Variants in CEP55 observed in about 807,000 individuals in gnomAD.
The protein encoded by CEP55 is centrosomal protein 55, also known as centrosomal protein of 55 kDa.
Under a neutral mutation model 63.2 loss-of-function variants are expected in CEP55, and 57 were observed. That is an observed-to-expected ratio of 0.90 (90% CI 0.73 to 1.13). The LOEUF is 1.13. CEP55 is among the 50% of genes most tolerant of loss of function. The probability of loss-of-function intolerance (pLI) is 0.00; values close to 1 mark genes in which losing one functional copy is unlikely to be tolerated. For synonymous variants in CEP55, 178 were observed against 191.6 expected (o/e 0.93, Z 0.59); for missense variants, 456 against 518.9 (o/e 0.88, Z 1.18).
At chr10:93,498,905 C>T (rs1468881977) in intron 1 of CEP55, among the ~76,000 whole-genome samples, 1 of 151,852 alleles carries the variant, frequency 6.6e-6, no homozygotes, top group Non-Finnish European at 1.5e-5. Flanking sequence ...CTAATGGGCT[C>T]ATACTCCTTT....
chr10:93,519,997 T>C, intron 8 of CEP55, 190 bp downstream of exon 8: 1 of 636,962 alleles, frequency 1.6e-6, no homozygotes, highest in Non-Finnish European at 2.7e-6. Context: ...AGGGACATGA[T>C]CACATCTGGA....
intron 2 of CEP55, among the ~76,000 whole-genome samples, chr10:93,501,072 T>TA (rs915055480): frequency 2.0e-5 from 3 of 152,216 alleles, no homozygotes; most frequent in African/African-American, 7.2e-5. Flanking sequence ...TTACTAAATG[T>TA]AAAAAATCAG....
intron 4 of CEP55, among the ~76,000 whole-genome samples, chr10:93,513,501 C>T (rs2057772195): frequency 6.6e-6 from 1 of 152,224 alleles, no homozygotes. Flanking sequence ...AACCTTTAAG[C>T]TCCTTATGTC....
chr10:93,524,004 A>C (rs1401887128), intron 8 of CEP55, among the ~76,000 whole-genome samples: 1 of 152,184 alleles, frequency 6.6e-6, no homozygotes, highest in Non-Finnish European at 1.5e-5. Context: ...TCTAAAACTG[A>C]CACCCTAACG....
chr10:93,520,828 GAA>G (rs1349814991), intron 8 of CEP55, among the ~76,000 whole-genome samples: 1 of 152,088 alleles, frequency 6.6e-6, no homozygotes, highest in Non-Finnish European at 1.5e-5. Flanking sequence ...ATAAAAGAAA[GAA>G]AATATATTTT....
intron 3 of CEP55, 73 bp downstream of exon 3, chr10:93,503,461 G>C (rs955118411): frequency 2.1e-6 from 3 of 1,411,830 alleles, no homozygotes; most frequent in African/African-American, 2.9e-5. Context: ...GGAGGAATGA[G>C]TTTGTTAAGA....
intron 4 of CEP55, among the ~76,000 whole-genome samples, chr10:93,513,429 A>C (rs2057771589): frequency 6.6e-6 from 1 of 152,032 alleles, no homozygotes; most frequent in Non-Finnish European, 1.5e-5. Flanking sequence ...TATGGGACTC[A>C]ATCAATGTCT....
intron 1 of CEP55, among the ~76,000 whole-genome samples, chr10:93,499,817 G>C (rs1203555534): frequency 6.6e-6 from 1 of 151,768 alleles, no homozygotes; most frequent in Non-Finnish European, 1.5e-5. Context: ...ACCGTACCCA[G>C]CCCAAGTTGA....
intron 4 of CEP55, among the ~76,000 whole-genome samples, chr10:93,507,789 C>T (rs2057703817): frequency 6.6e-6 from 1 of 151,744 alleles, no homozygotes; most frequent in African/African-American, 2.4e-5. Flanking sequence ...CCTGGGATTA[C>T]AGGCACCCAC....
intron 4 of CEP55, among the ~76,000 whole-genome samples, chr10:93,511,773 T>G (rs1298927947): frequency 2.0e-5 from 3 of 151,798 alleles, no homozygotes; most frequent in Middle Eastern, 3.2e-3. Flanking sequence ...TGGCTAATGT[T>G]TTGTATTTTT....
intron 8 of CEP55, among the ~76,000 whole-genome samples, chr10:93,523,811 A>C (rs902958187): frequency 1.3e-5 from 2 of 152,218 alleles, no homozygotes; most frequent in Non-Finnish European, 2.9e-5. Flanking sequence ...AACTACATGG[A>C]AACTGAACAA....
Position 93,519,634 on chromosome 10 carries a change from T to C in CEP55, c.1066-48T>C. On this transcript the variant is annotated intron_variant, in intron 7 of 8. Transcript: ENST00000371485. ...AATGTGAGCATCCAGTCAAGAGAAC[T>C]AGACAGTCTGTATCAGCTGTAATGG... 1.9e-6 allele frequency: 3 copies of C among 1,592,130 alleles called. No homozygotes were observed. The South Asian group carries it at 3.4e-5, about 18-fold the overall frequency.
intron 4 of CEP55, among the ~76,000 whole-genome samples, chr10:93,511,821 C>A (rs1589651970): frequency 6.6e-6 from 1 of 151,872 alleles, no homozygotes; most frequent in Non-Finnish European, 1.5e-5. Flanking sequence ...CCAGGCTGGT[C>A]TCGAACTCCT....
chr10:93,500,459 G>A (rs920718159), intron 2 of CEP55, among the ~76,000 whole-genome samples: 1 of 152,182 alleles, frequency 6.6e-6, no homozygotes, highest in Non-Finnish European at 1.5e-5. Flanking sequence ...ATGTAATTGA[G>A]TATGTGTTTT....
rs2134508923 is a variant in CEP55, at chr10:93,528,298, T to C, written c.*145T>C. The C allele has an allele frequency of 1.2e-5, 8 of 666,836 alleles. No homozygotes were observed. The South Asian group carries it at 1.5e-4, about 13-fold the overall frequency. 41.3% of individuals were successfully genotyped at this position (666,836 alleles called of 1,614,324 possible). A position where few individuals can be genotyped will look rare whatever the true frequency, so the allele number is the denominator to read the frequency against. On this transcript the variant is annotated 3_prime_UTR_variant, in exon 9 of 9. Coordinates refer to ENST00000371485, the MANE Select transcript of CEP55 (RefSeq NM_018131.5). Reference sequence around the variant, plus strand: ...CCAGCATGCTAGTGAATCATGTATCTTTTAGGCTGCTGTGCATTTCTCTTG... The same window carrying C: ...CCAGCATGCTAGTGAATCATGTATCCTTTAGGCTGCTGTGCATTTCTCTTG...
intron 8 of CEP55, among the ~76,000 whole-genome samples, chr10:93,527,283 T>C (rs905726788): frequency 3.3e-5 from 5 of 152,230 alleles, no homozygotes; most frequent in African/African-American, 7.2e-5. Context: ...GCTTGCTGCC[T>C]TTAATTTCCA....
chr10:93,510,937 C>CT (rs572255812), intron 4 of CEP55, among the ~76,000 whole-genome samples: 30,631 of 118,022 alleles, frequency 0.26, 5,167 homozygotes, highest in African/African-American at 0.4. Context: ...TTCCACAGGA[C>CT]TTTTTTTTTT....
rs548108248 is a variant in CEP55, at chr10:93,515,307, T to A, written c.529-98T>A. 317 of 1,121,416 alleles carry A rather than the reference T, an allele frequency of 2.8e-4. 1 individual carries two copies. In the African/African-American group the frequency reaches 4.6e-3, roughly 16 times the overall value. The allele number at this position is 1,121,416 out of a possible 1,614,324, so 69.5% of individuals were successfully genotyped here. A position where few individuals can be genotyped will look rare whatever the true frequency, so the allele number is the denominator to read the frequency against. Reference sequence around the variant, plus strand: ...CAGAATTAGTCTATGAGCCATAGAGTTTTTGTTGGAAAAGACTACATCACT... The same window carrying A: ...CAGAATTAGTCTATGAGCCATAGAGATTTTGTTGGAAAAGACTACATCACT... On this transcript the variant is annotated intron_variant, in intron 4 of 8. Transcript: ENST00000371485.
At chr10:93,518,027 C>T (rs557916256) in intron 6 of CEP55, among the ~76,000 whole-genome samples, 9 of 152,252 alleles carry the variant, frequency 5.9e-5, no homozygotes, top group South Asian at 2.1e-4. Context: ...GTAAACTAAG[C>T]GAGGTAAATG....
Sources: gnomAD v4.1 joint callset for allele counts (sites outside exome capture counted in the v4.1 genomes callset) on GRCh38, gnomAD v4.1.1 for gene constraint, MANE v1.5 for transcripts, NCBI Gene and HGNC (gene_info 2026-07-23, HGNC 2026-07-21) for gene names.